TTN: variants seen among roughly 807,000 people sequenced by gnomAD.
The protein encoded by TTN is connectin.
In TTN, 1,525 loss-of-function variants were observed where a neutral mutation model predicts 3,223.0. The ratio of observed to expected loss-of-function variants is 0.47; its 90% CI spans 0.45 to 0.49. The LOEUF (loss-of-function observed/expected upper bound fraction) is 0.49. Among genes scored for constraint, TTN ranks in the 20% least tolerant of loss-of-function variants. The pLI, the probability that TTN is intolerant of heterozygous loss-of-function variation, is 0.00. For missense variants in TTN, 40,786 were observed against 43,424.0 expected, an observed-to-expected ratio of 0.94 and a Z score of 5.40; for synonymous variants, 14,094 against 15,161.0, an observed-to-expected ratio of 0.93 and a Z score of 5.17.
chr2:178,712,571 C>A lies in TTN; in HGVS notation c.27351G>T (p.Arg9117Ser). The A allele has an allele frequency of 6.2e-7, 1 of 1,612,448 alleles. No individual in the cohort carries two copies. The highest frequency in any genetic ancestry group is 8.5e-7 in the Non-Finnish European group (1 of 1,179,062). The stretch of plus-strand genomic sequence containing the variant: ...CTTTCTCTATGCTGTAATCATTCAG[C>A]CTCTTCACAAATTTGGCTGGGGCTA... ...YIKAPAKFVKRLNDYSIEKGK... is the reference protein window; with the variant it reads ...YIKAPAKFVKSLNDYSIEKGK... Residue 9117 changes from arginine to serine, a missense_variant, in exon 95 of 363, where the codon AGG becomes AGT. Coordinates refer to ENST00000589042, the MANE Select transcript of TTN (RefSeq NM_001267550.2).
chr2:178,722,092 A>G lies in TTN; in HGVS notation c.22571T>C (p.Ile7524Thr). ...SPFFDIKPVS[I>T]DVIAGESADF... Reference sequence around the variant, plus strand: ...AGCACTTTCTCCAGCAATAACATCTATAGATACAGGCTTGATGTCAAAGAA... The same window carrying G: ...AGCACTTTCTCCAGCAATAACATCTGTAGATACAGGCTTGATGTCAAAGAA... Residue 7524 changes from isoleucine (I) to threonine (T), a missense_variant, in exon 78 of 363, where the codon ATA (isoleucine) becomes ACA (threonine). Ile to Thr is a moderately conservative substitution (Grantham distance 89, BLOSUM62 -1). Coordinates refer to ENST00000589042, the MANE Select transcript of TTN (RefSeq NM_001267550.2). 6.2e-7 allele frequency: 1 copy of G among 1,605,546 alleles called. No individual in the cohort carries two copies. Among genetic ancestry groups the G allele is most frequent in the South Asian group, 1.1e-5 (1 of 89,284 alleles).
chr2:178,701,197 G>A lies in TTN; in HGVS notation c.30605C>T (p.Pro10202Leu), dbSNP rs769528182. 7 of 1,606,594 alleles carry A rather than the reference G, an allele frequency of 4.4e-6. No individual in the cohort carries two copies. In the East Asian group the frequency reaches 8.9e-5, roughly 20 times the overall value. Residue 10202 changes from proline to leucine, a missense_variant, in exon 111 of 363, where the codon CCT becomes CTT. By Grantham distance (98) the Pro-to-Leu change is moderately conservative. Transcript: ENST00000589042. ...GGGGATAGGAGGAGCAACCACAGGA[G>A]GGATTTCTGAAGAAAATAAATGCCG... ...PIRAVPPEEI[P>L]PVVAPPIPLL... is the part of the protein sequence containing the mutation.
chr2:178,592,815 T>G lies in TTN; in HGVS notation c.59304A>C (p.Pro19768=). The G allele has an allele frequency of 6.2e-7, 1 of 1,613,530 alleles. No individual in the cohort carries two copies. Among genetic ancestry groups the G allele is most frequent in the African/African-American group, 1.3e-5 (1 of 75,034 alleles). Residue 19768 remains proline (P), a synonymous_variant, in exon 300 of 363, where the codon CCA becomes CCC. Transcript: ENST00000589042. The stretch of plus-strand genomic sequence containing the variant: ...CTAGGACTGGCTCCGGAACATGAGC[T>G]GGATCTGATTCACCAGCTGCATTGA... The part of the protein sequence containing the change: ...LAVNAAGESD[P]AHVPEPVLVK...
rs369835255 is a variant in TTN, at chr2:178,543,914, C to T, written c.96230G>A (p.Arg32077Gln). ...YSLLIVDKVN[R>Q]YDAGKYTIEA... ...AATTGTGTATTTTCCAGCATCGTAC[C>T]GATTAACTTTGTCCACTATTAGCAA... Residue 32077 changes from arginine (R) to glutamine (Q), a missense_variant, in exon 346 of 363, where the codon CGG (arginine) becomes CAG (glutamine). Physicochemically the swap from Arg to Gln is conservative, Grantham distance 43 (BLOSUM62 1). Coordinates refer to ENST00000589042, the MANE Select transcript of TTN (RefSeq NM_001267550.2). 40 of 1,613,554 alleles carry T rather than the reference C, an allele frequency of 2.5e-5. No individual in the cohort carries two copies. The highest frequency in any genetic ancestry group is 1.7e-4 in the Middle Eastern group (1 of 6,056).
Position 178,773,693 on chromosome 2 carries a change from T to C in TTN, c.7363A>G (p.Asn2455Asp). The change falls in exon 32 of 363, where the codon AAT becomes GAT. Residue 2455 changes from asparagine to aspartate, a missense_variant. Transcript: ENST00000589042. ...ACAGCCTTGGTGCCTTCAATCACAT[T>C]AACATCTTTTAGAGGTGTTATCACG... Reference protein sequence around the residue: ...VDVITPLKDVNVIEGTKAVLE... With the variant: ...VDVITPLKDVDVIEGTKAVLE... 2 of 1,614,088 alleles carry C rather than the reference T, an allele frequency of 1.2e-6. No individual in the cohort carries two copies. The highest frequency in any genetic ancestry group is 1.7e-6 in the Non-Finnish European group (2 of 1,179,984).
Position 178,593,348 on chromosome 2 carries a change from A to G in TTN, c.58860T>C (p.Thr19620=). Residue 19620 remains threonine (T), a synonymous_variant, in exon 299 of 363, where the codon ACT becomes ACC. Coordinates refer to ENST00000589042, the MANE Select transcript of TTN (RefSeq NM_001267550.2). ...ITNYILEKRE[T]MSKRWARVTK... ...TAACTCTAGCCCATCGTTTAGACAT[A>G]GTTTCTCTCTTTTCCAGGATGTAGT... The G allele has an allele frequency of 6.2e-7, 1 of 1,613,310 alleles. No homozygotes were observed. The highest frequency in any genetic ancestry group is 8.5e-7 in the Non-Finnish European group (1 of 1,179,546).
intron 88 of TTN, among the ~76,000 whole-genome samples, chr2:178,716,653 T>C (rs1488844338): frequency 6.6e-6 from 1 of 152,194 alleles, no homozygotes; most frequent in African/African-American, 2.4e-5. Flanking sequence ...GAAAGTAAGT[T>C]GAACTTATCA....
Position 178,637,437 on chromosome 2 carries a change from C to G in TTN, c.40877-18G>C, listed in dbSNP as rs770295958. On this transcript the variant is annotated intron_variant, in intron 223 of 362. Coordinates refer to ENST00000589042, the MANE Select transcript of TTN (RefSeq NM_001267550.2). ...TTTGGCTTCTGAAATAAAAATAAAACTCAGCATTTAAACACTTTTCGGACT... is the reference window on the plus strand; with the variant it reads ...TTTGGCTTCTGAAATAAAAATAAAAGTCAGCATTTAAACACTTTTCGGACT... The G allele has an allele frequency of 6.8e-7, 1 of 1,463,342 alleles. No individual in the cohort carries two copies. The highest frequency in any genetic ancestry group is 9.0e-7 in the Non-Finnish European group (1 of 1,107,396). The allele number at this position is 1,463,342 out of a possible 1,614,324, so 90.6% of individuals were successfully genotyped here.
Position 178,747,332 on chromosome 2 carries a change from T to C in TTN, c.11312-5411A>G, listed in dbSNP as rs775691646. The C allele has an allele frequency of 3.7e-6, 6 of 1,613,358 alleles. No homozygotes were observed. In the East Asian group the frequency reaches 1.3e-4, roughly 36 times the overall value. Reference sequence around the variant, plus strand: ...AGGTGTGGAATATCTTTCAACTGTCTCACCTCCTGAATGTATTGAGGATTG... The same window carrying C: ...AGGTGTGGAATATCTTTCAACTGTCCCACCTCCTGAATGTATTGAGGATTG... On this transcript the variant is annotated intron_variant, in intron 47 of 362. Coordinates refer to ENST00000589042, the MANE Select transcript of TTN (RefSeq NM_001267550.2).
rs544396866 is a variant in TTN, at chr2:178,587,596, C to A, written c.63713G>T (p.Arg21238Leu). 6.2e-7 allele frequency: 1 copy of A among 1,612,534 alleles called. No individual in the cohort carries two copies. Among genetic ancestry groups the A allele is most frequent in the South Asian group, 1.1e-5 (1 of 91,018 alleles). Reference sequence around the variant, plus strand: ...TAAGGAATATTTTCCTGAGTCATCACGGGTAGAATTGGGGATGACAAGGAA... The same window carrying A: ...TAAGGAATATTTTCCTGAGTCATCAAGGGTAGAATTGGGGATGACAAGGAA... ...MAFLVIPNST[R>L]DDSGKYSLTL... Residue 21238 changes from arginine (R) to leucine (L), a missense_variant, in exon 306 of 363, where the codon CGT becomes CTT. Coordinates refer to ENST00000589042, the MANE Select transcript of TTN (RefSeq NM_001267550.2).
intron 13 of TTN, among the ~76,000 whole-genome samples, chr2:178,788,115 GAA>G (rs1251023481): frequency 6.6e-6 from 1 of 152,104 alleles, no homozygotes; most frequent in East Asian, 1.9e-4. Context: ...CACGACGGAT[GAA>G]AAGTTATGAG....
rs771429905 is a variant in TTN at position 178,614,188 on chromosome 2, G to A, written c.49209C>T (p.Ser16403=). 3 of 1,612,392 alleles carry A rather than the reference G, an allele frequency of 1.9e-6. No homozygotes were observed. The highest frequency in any genetic ancestry group is 1.1e-5 in the South Asian group (1 of 91,038). Reference sequence around the variant, plus strand: ...CCTTGAAGTTTGTATCCTTGACGGTGGATGAGAGCTTGTGCCACACTTCAC... The same window carrying A: ...CCTTGAAGTTTGTATCCTTGACGGTAGATGAGAGCTTGTGCCACACTTCAC... ...TDSEVWHKLS[S]TVKDTNFKAT... Residue 16403 remains serine, a synonymous_variant, in exon 262 of 363, where the codon TCC becomes TCT. Transcript: ENST00000589042.
intron 207 of TTN, 40 bp downstream of exon 207, chr2:178,651,413 C>T: frequency 6.2e-7 from 1 of 1,601,222 alleles, no homozygotes; most frequent in African/African-American, 1.3e-5. Flanking sequence ...AAGCTGGGGG[C>T]TCCATCCGCC....
rs1410308363 is a variant in TTN at position 178,584,918 on chromosome 2, C to T, written c.64723G>A (p.Asp21575Asn). 7 of 1,613,342 alleles carry T rather than the reference C, an allele frequency of 4.3e-6. No individual in the cohort carries two copies. Among genetic ancestry groups the T allele is most frequent in the Non-Finnish European group, 5.9e-6 (7 of 1,179,554 alleles). The change falls in exon 310 of 363, where the codon GAT becomes AAT. Residue 21575 changes from aspartate to asparagine, a missense_variant. Asp to Asn is a conservative substitution (Grantham distance 23, BLOSUM62 1). Coordinates refer to ENST00000589042, the MANE Select transcript of TTN (RefSeq NM_001267550.2). ...ATGTGCCATGACAGGGAGCAAGCAT[C>T]AGCGTCTATATCAGAAATGTCAAAT... ...PPFDISDIDA[D>N]ACSLSWHIPL...
rs764189986 is a variant in TTN, at chr2:178,768,052, C to T, written c.9267G>A (p.Gln3089=). The T allele has an allele frequency of 1.9e-5, 30 of 1,614,058 alleles. No homozygotes were observed. The highest frequency in any genetic ancestry group is 2.5e-5 in the Non-Finnish European group (29 of 1,180,022). The part of the protein sequence containing the change: ...CEVSEPDITV[Q]WMKDDQELQI... ...GCAGTTCCTGGTCATCTTTCATCCACTGTACAGTGATGTCAGGTTCAGAAA... is the reference window on the plus strand; with the variant it reads ...GCAGTTCCTGGTCATCTTTCATCCATTGTACAGTGATGTCAGGTTCAGAAA... The change falls in exon 39 of 363, where the codon CAG becomes CAA. Residue 3089 remains glutamine, a synonymous_variant. Transcript: ENST00000589042.
Position 178,559,725 on chromosome 2 carries a change from T to C in TTN, c.86407A>G (p.Thr28803Ala). The C allele has an allele frequency of 6.2e-7, 1 of 1,601,088 alleles. No individual in the cohort carries two copies. The highest frequency in any genetic ancestry group is 8.5e-7 in the Non-Finnish European group (1 of 1,172,902). Residue 28803 changes from threonine to alanine, a missense_variant, in exon 326 of 363, where the codon ACC becomes GCC. Thr to Ala is a moderately conservative substitution (Grantham distance 58). Transcript: ENST00000589042. ...TDLRTRAYVD[T>A]TDSRTSLTIE... ...GTCAGTGATGTACGAGAGTCTGTGG[T>C]ATCAACATAAGCTCTAGTACGGAGG...
intron 316 of TTN, among the ~76,000 whole-genome samples, chr2:178,581,075 G>A (rs2047625048): frequency 6.6e-6 from 1 of 151,982 alleles, no homozygotes. Context: ...TGGAGGATAA[G>A]CAAATAGAAG....
rs370757633 is a variant in TTN, at chr2:178,713,317, G to T, written c.26817C>A (p.Ser8939=). ...TACACTCCATTACAACTGAGGAGCC[G>T]GATAGACCATTTGTCTCTTTCAATT... ...TRKLKETNGL[S]GSSVVMECKV... is the part of the protein sequence containing the mutation. The change falls in exon 93 of 363, where the codon TCC becomes TCA. Residue 8939 remains serine, a synonymous_variant. Transcript: ENST00000589042. 1.1e-5 allele frequency: 18 copies of T among 1,579,822 alleles called. No homozygotes were observed. In the South Asian group the frequency reaches 2.1e-4, roughly 18 times the overall value.
At position 178,575,718 on chromosome 2, in the gene TTN, C is replaced by T. The variant is rs556399127; in HGVS notation, c.70414G>A (p.Val23472Ile). Residue 23472 changes from valine (V) to isoleucine (I), a missense_variant, in exon 326 of 363, where the codon GTA becomes ATA. By Grantham distance (29) the Val-to-Ile change is conservative (BLOSUM62 3). Coordinates refer to ENST00000589042, the MANE Select transcript of TTN (RefSeq NM_001267550.2). The surrounding 1 kb of genome is among the most constrained non-coding windows in gnomAD (Gnocchi z 4.0). ...TTCCGTGTTGCTTCACGTTTCTCTA[C>T]AATGTAGTTTGTTATACGTGAGCCT... ...DGGSRITNYI[V>I]EKREATRKSY... The T allele has an allele frequency of 1.2e-6, 2 of 1,613,516 alleles. No homozygotes were observed. The highest frequency in any genetic ancestry group is 2.2e-5 in the East Asian group (1 of 44,780).
Sources: allele counts gnomAD v4.1 joint callset (sites outside exome capture counted in the v4.1 genomes callset), GRCh38; gene constraint gnomAD v4.1.1; non-coding constraint Gnocchi (gnomAD v3.1); transcripts MANE v1.5; gene names NCBI Gene and HGNC (gene_info 2026-07-23, HGNC 2026-07-21).